Variants in ATP9B observed in about 807,000 individuals in gnomAD.
ATP9B encodes ATPase phospholipid transporting 9B, also known as probable phospholipid-transporting ATPase IIB.
ATP9B carries 110 observed loss-of-function variants against 146.1 expected under a neutral mutation model. That is an observed-to-expected ratio of 0.75 (90% CI 0.65 to 0.88). The LOEUF (loss-of-function observed/expected upper bound fraction) is 0.88, where lower values mean the gene tolerates loss of function less well. Among genes scored for constraint, ATP9B ranks in the 40% least tolerant of loss-of-function variants. The probability of loss-of-function intolerance (pLI) is 0.00; values close to 1 mark genes in which losing one functional copy is unlikely to be tolerated. For missense variants in ATP9B, 1,499 were observed against 1,496.4 expected, an observed-to-expected ratio of 1.00 and a Z score of -0.03; for synonymous variants, 604 against 569.7, an observed-to-expected ratio of 1.06 and a Z score of -0.86.
chr18:79,311,917 A>C (rs1198237892), intron 15 of ATP9B, among the ~76,000 whole-genome samples: 1 of 152,120 alleles, frequency 6.6e-6, no homozygotes, highest in Non-Finnish European at 1.5e-5. Flanking sequence ...TTTCGTGAGA[A>C]TCTCTGTCCC....
chr18:79,310,189 G>C (rs1184453771), intron 15 of ATP9B, among the ~76,000 whole-genome samples: 1 of 152,192 alleles, frequency 6.6e-6, no homozygotes, highest in Non-Finnish European at 1.5e-5. Context: ...TGCTGTGGAA[G>C]GGTGAGAATA....
At chr18:79,326,951 G>C (rs866365629) in intron 15 of ATP9B, among the ~76,000 whole-genome samples, 2 of 152,130 alleles carry the variant, frequency 1.3e-5, no homozygotes, top group Non-Finnish European at 2.9e-5. Flanking sequence ...GTGGTGCCTC[G>C]GCACGGCCAT....
chr18:79,233,107 C>T (rs1316045264), intron 11 of ATP9B, among the ~76,000 whole-genome samples: 1 of 151,990 alleles, frequency 6.6e-6, no homozygotes, highest in Non-Finnish European at 1.5e-5. Flanking sequence ...GCCTGGGCAG[C>T]GTGGTGAAAC....
At chr18:79,291,171 T>G (rs2096499167) in intron 13 of ATP9B, among the ~76,000 whole-genome samples, 1 of 149,674 alleles carries the variant, frequency 6.7e-6, no homozygotes, top group African/African-American at 2.4e-5. Flanking sequence ...AGCTGCAGCT[T>G]TTTTTTTTTA....
intron 29 of ATP9B, among the ~76,000 whole-genome samples, chr18:79,376,855 C>T (rs551539304): frequency 1.3e-5 from 2 of 151,952 alleles, no homozygotes; most frequent in African/African-American, 2.4e-5. Flanking sequence ...CCACCACGCC[C>T]GGCTAATGTT....
At chr18:79,263,981 A>G (rs2096173715) in intron 12 of ATP9B, among the ~76,000 whole-genome samples, 1 of 152,122 alleles carries the variant, frequency 6.6e-6, no homozygotes, top group Non-Finnish European at 1.5e-5. Flanking sequence ...GCTGCTCGGG[A>G]GGCTGAGGCA....
intron 13 of ATP9B, among the ~76,000 whole-genome samples, chr18:79,299,733 C>G (rs1345908652): frequency 1.3e-5 from 2 of 152,248 alleles, no homozygotes; most frequent in African/African-American, 4.8e-5. Context: ...TAAATCCACT[C>G]TATGAAGTTT....
At chr18:79,292,655 C>T (rs953122684) in intron 13 of ATP9B, among the ~76,000 whole-genome samples, 1 of 123,756 alleles carries the variant, frequency 8.1e-6, no homozygotes, top group Non-Finnish European at 1.6e-5. Flanking sequence ...ACTTGCAACT[C>T]GTGATTTCTT....
chr18:79,072,358 C>G (rs569137237), intron 1 of ATP9B, among the ~76,000 whole-genome samples: 5 of 152,218 alleles, frequency 3.3e-5, no homozygotes, highest in Admixed American at 1.3e-4. Context: ...TGACTCTTAA[C>G]GAGCATGCTG....
chr18:79,358,830 T>C (rs1322275526), intron 25 of ATP9B, among the ~76,000 whole-genome samples: 88 of 121,294 alleles, frequency 7.3e-4, no homozygotes, highest in African/African-American at 2.3e-3. Context: ...TGAGGGGTGC[T>C]CTGGGTCTGG....
At chr18:79,078,524 G>C (rs1389260154) in intron 1 of ATP9B, among the ~76,000 whole-genome samples, 1 of 152,054 alleles carries the variant, frequency 6.6e-6, no homozygotes, top group Non-Finnish European at 1.5e-5. Context: ...TGGAAGGAAG[G>C]AGCAGTTTAC....
At position 79,336,664 on chromosome 18, in the gene ATP9B, G is replaced by A. The variant is rs201172611; in HGVS notation, c.2065G>A (p.Val689Met). 19 of 1,612,874 alleles carry A rather than the reference G, an allele frequency of 1.2e-5. No individual in the cohort carries two copies. The highest frequency in any genetic ancestry group is 8.9e-5 in the East Asian group (4 of 44,822). ...NMAREGLRTLVVAKKALTEEQ... is the reference protein window; with the variant it reads ...NMAREGLRTLMVAKKALTEEQ... ...GGCTCGCGAAGGACTGCGGACCCTC[G>A]TGGTTGCAAAGAAGGCGTTGACAGA... Residue 689 changes from valine to methionine, a missense_variant, in exon 18 of 30, where the codon GTG (valine) becomes ATG (methionine). Physicochemically the swap from Val to Met is conservative, Grantham distance 21 (BLOSUM62 1). Coordinates refer to ENST00000426216, the MANE Select transcript of ATP9B (RefSeq NM_198531.5).
rs536446593 is a variant in ATP9B, at chr18:79,102,081, G to C, written c.293+5432G>C. Among the ~76,000 whole-genome samples the C allele has an allele frequency of 3.9e-5, 6 of 152,248 alleles. No individual in the cohort carries two copies. In the South Asian group the frequency reaches 1.2e-3, roughly 32 times the overall value. On this transcript the variant is annotated intron_variant, in intron 2 of 29. Transcript: ENST00000426216. ...CTGCCTCAGCCTTTCGAGTAGCTGGGACTACAGGTGCCCACCATCATGCCC... is the reference window on the plus strand; with the variant it reads ...CTGCCTCAGCCTTTCGAGTAGCTGGCACTACAGGTGCCCACCATCATGCCC...
intron 17 of ATP9B, among the ~76,000 whole-genome samples, chr18:79,336,131 C>T (rs867666305): frequency 2.5e-3 from 361 of 143,746 alleles, no homozygotes; most frequent in African/African-American, 9.9e-3. Flanking sequence ...CAGGCGCTCC[C>T]CTCGCCCGTC....
intron 15 of ATP9B, among the ~76,000 whole-genome samples, chr18:79,320,731 C>T (rs538627013): frequency 4.1e-4 from 62 of 152,172 alleles, no homozygotes; most frequent in African/African-American, 1.4e-3. Context: ...TTGTAGAACC[C>T]TATCCCACTT....
At chr18:79,245,619 C>A (rs774324445) in intron 11 of ATP9B, among the ~76,000 whole-genome samples, 451 of 22,106 alleles carry the variant, frequency 0.02, 5 homozygotes, top group African/African-American at 0.031. Context: ...TACCACCCTA[C>A]TGACTGGGGA....
intron 28 of ATP9B, among the ~76,000 whole-genome samples, chr18:79,375,187 G>A (rs2097095939): frequency 6.6e-6 from 1 of 152,230 alleles, no homozygotes; most frequent in South Asian, 2.1e-4. Flanking sequence ...AGACACAGGA[G>A]CCTTTAGCTA....
At chr18:79,333,668 T>C (rs887413301) in intron 17 of ATP9B, among the ~76,000 whole-genome samples, 2 of 152,032 alleles carry the variant, frequency 1.3e-5, no homozygotes, top group Admixed American at 6.5e-5. Context: ...GGGCAGGTCT[T>C]GGAGGTTACC....
At chr18:79,349,747 T>G (rs555523555) in intron 25 of ATP9B, among the ~76,000 whole-genome samples, 1 of 152,282 alleles carries the variant, frequency 6.6e-6, no homozygotes, top group East Asian at 1.9e-4. Context: ...CCAAGGAGCA[T>G]GCACAGAGCT....
Sources: gnomAD v4.1 joint callset for allele counts (sites outside exome capture counted in the v4.1 genomes callset) on GRCh38, gnomAD v4.1.1 for gene constraint, MANE v1.5 for transcripts, NCBI Gene and HGNC (gene_info 2026-07-23, HGNC 2026-07-21) for gene names.